CELF2: variants seen among roughly 807,000 people sequenced by gnomAD.
The protein encoded by CELF2 is CUG triplet repeat RNA-binding protein 2.
In CELF2, 8 loss-of-function variants were observed where a neutral mutation model predicts 62.6. That is an observed-to-expected ratio of 0.13 (90% confidence interval 0.07 to 0.23). CELF2 has a LOEUF of 0.23. Ranked by LOEUF, CELF2 falls within the 10% of genes least tolerant of loss-of-function variation. The pLI is 1.00. For synonymous variants in CELF2, 258 were observed against 250.0 expected, an observed-to-expected ratio of 1.03 and a Z score of -0.30; for missense variants, 333 against 671.0, an observed-to-expected ratio of 0.50 and a Z score of 5.56.
the CELF2 span, among the ~76,000 whole-genome samples, chr10:10,551,682 C>T: frequency 6.6e-6 from 1 of 152,170 alleles, no homozygotes; most frequent in South Asian, 2.1e-4. Flanking sequence ...TTCATTACAG[C>T]GTGGTCCTTA....
Position 11,166,427 on chromosome 10 carries a change from T to G in CELF2, c.271+745T>G, listed in dbSNP as rs117973494. Reference sequence around the variant, plus strand: ...TAATGAGATAGAGACCCAGAAACCATTGTGAGGAGTGTGATGCTTCTATGC... The same window carrying G: ...TAATGAGATAGAGACCCAGAAACCAGTGTGAGGAGTGTGATGCTTCTATGC... On this transcript the variant is annotated intron_variant, in intron 2 of 12. Transcript: ENST00000633077. Among the ~76,000 whole-genome samples, 144 of 152,296 alleles carry G rather than the reference T, an allele frequency of 9.5e-4. 1 individual carries two copies. In the East Asian group the frequency reaches 0.023, roughly 25 times the overall value.
At chr10:10,484,832 G>A in the CELF2 span, among the ~76,000 whole-genome samples, 2 of 152,040 alleles carry the variant, frequency 1.3e-5, no homozygotes, top group African/African-American at 2.4e-5. Context: ...TAATAATTAG[G>A]CAGTATATCT....
At chr10:11,105,538 C>T (rs2053172420) in intron 1 of CELF2, 1 of 152,244 alleles carries the variant, frequency 6.6e-6, no homozygotes, top group South Asian at 2.1e-4. Context: ...TGTCTTCAGC[C>T]CCTGCCTTTT....
chr10:10,881,845 C>T (rs955159282), intron 1 of CELF2, among the ~76,000 whole-genome samples: 9 of 152,166 alleles, frequency 5.9e-5, no homozygotes, highest in African/African-American at 2.2e-4. Context: ...TATCAGGTTT[C>T]CGAAGTGTAG....
chr10:10,708,764 G>C, the CELF2 span, among the ~76,000 whole-genome samples: 3 of 152,112 alleles, frequency 2.0e-5, no homozygotes, highest in African/African-American at 7.2e-5. Context: ...ATATACGATT[G>C]AAATAATATA....
intron 2 of CELF2, among the ~76,000 whole-genome samples, chr10:11,210,010 G>A (rs2061418831): frequency 6.6e-6 from 1 of 150,964 alleles, no homozygotes; most frequent in African/African-American, 2.4e-5. Flanking sequence ...TCATTCACAG[G>A]AAAAAAAAAT....
the CELF2 span, among the ~76,000 whole-genome samples, chr10:10,592,335 A>G: frequency 6.6e-5 from 10 of 152,106 alleles, no homozygotes; most frequent in African/African-American, 1.9e-4. Flanking sequence ...GAAAAAGAAG[A>G]ATCTCTGGGT....
chr10:10,908,843 A>T (rs929971448), intron 1 of CELF2, among the ~76,000 whole-genome samples: 18 of 152,310 alleles, frequency 1.2e-4, no homozygotes, highest in Non-Finnish European at 2.5e-4. Context: ...GCTAGAGTGC[A>T]GTGGCGCCAT....
chr10:11,143,932 C>G (rs1299298009), intron 1 of CELF2, among the ~76,000 whole-genome samples: 1 of 152,184 alleles, frequency 6.6e-6, no homozygotes, highest in African/African-American at 2.4e-5. Flanking sequence ...CTGAAGGAGA[C>G]AGCTCTTTAA....
chr10:10,661,259 A>G, the CELF2 span, among the ~76,000 whole-genome samples: 2 of 152,188 alleles, frequency 1.3e-5, no homozygotes, highest in Non-Finnish European at 2.9e-5. Flanking sequence ...TTTAAATTGA[A>G]TCATATAGTG....
chr10:10,969,671 A>G (rs1298788342), intron 2 of CELF2, among the ~76,000 whole-genome samples: 2 of 152,100 alleles, frequency 1.3e-5, no homozygotes, highest in African/African-American at 4.8e-5. Context: ...AATGGTCTGG[A>G]TGTTTCTTTG....
intron 1 of CELF2, among the ~76,000 whole-genome samples, chr10:10,853,278 G>T (rs1368905780): frequency 6.6e-6 from 1 of 152,118 alleles, no homozygotes; most frequent in African/African-American, 2.4e-5. Context: ...ACTGCACCCG[G>T]CCTATTAATC....
chr10:10,578,188 A>G, the CELF2 span, among the ~76,000 whole-genome samples: 9 of 151,912 alleles, frequency 5.9e-5, no homozygotes, highest in African/African-American at 1.2e-4. Context: ...CATATCCTTC[A>G]CCCACTTTTT....
At chr10:10,728,476 AG>A in the CELF2 span, among the ~76,000 whole-genome samples, 1 of 141,680 alleles carries the variant, frequency 7.1e-6, no homozygotes, top group African/African-American at 2.6e-5. Context: ...AAAAAAAAAG[AG>A]AGAGAAAAAA....
intron 2 of CELF2, among the ~76,000 whole-genome samples, chr10:10,974,305 C>A (rs992967717): frequency 6.6e-6 from 1 of 152,124 alleles, no homozygotes; most frequent in South Asian, 2.1e-4. Flanking sequence ...ATAAAAGATA[C>A]AGTGAATTAT....
chr10:10,924,357 A>C (rs1247604211), intron 2 of CELF2, among the ~76,000 whole-genome samples: 1 of 150,328 alleles, frequency 6.7e-6, no homozygotes, highest in East Asian at 2.0e-4. Context: ...GTAATCATGC[A>C]CTATGAGCTG....
the CELF2 span, among the ~76,000 whole-genome samples, chr10:10,666,384 C>G: frequency 1.4e-4 from 22 of 152,138 alleles, no homozygotes; most frequent in Non-Finnish European, 2.5e-4. Flanking sequence ...ACACACGCTC[C>G]TCCACCTCCA....
Position 11,267,952 on chromosome 10 carries a change from T to G in CELF2, c.618+1275T>G, listed in dbSNP as rs2082623816. Among the ~76,000 whole-genome samples, 1 of 152,174 alleles carries G rather than the reference T, an allele frequency of 6.6e-6. No homozygotes were observed. On this transcript the variant is annotated intron_variant, in intron 6 of 12. Transcript: ENST00000633077. The surrounding 1 kb of genome is among the most constrained non-coding windows in gnomAD (Gnocchi z 4.4). ...TAACATATCTTATATAATCACTGTG[T>G]TTTCCTTTCAGTGCAATGCATTTTT...
chr10:10,703,871 C>A, the CELF2 span, among the ~76,000 whole-genome samples: 1 of 152,172 alleles, frequency 6.6e-6, no homozygotes, highest in Non-Finnish European at 1.5e-5. Context: ...GATCACAGAA[C>A]CCTAATCAAT....
Sources: gnomAD v4.1 joint callset for allele counts (sites outside exome capture counted in the v4.1 genomes callset) on GRCh38, gnomAD v4.1.1 for gene constraint, Gnocchi (gnomAD v3.1) non-coding constraint, MANE v1.5 for transcripts, NCBI Gene and HGNC (gene_info 2026-07-23, HGNC 2026-07-21) for gene names.